Variants in CNTNAP2 observed in about 807,000 individuals in gnomAD.
CNTNAP2 encodes contactin-associated protein-like 2.
A neutral mutation model predicts 155.2 loss-of-function variants in CNTNAP2; 98 were observed. The observed-to-expected ratio is 0.63, with a 90% CI of 0.54 to 0.75. CNTNAP2 has a LOEUF of 0.75. CNTNAP2 is among the 30% of genes least tolerant of loss of function. The probability of loss-of-function intolerance (pLI) is 0.00; values close to 1 mark genes in which losing one functional copy is unlikely to be tolerated. For missense variants in CNTNAP2, 1,727 were observed against 1,688.1 expected (o/e 1.02, Z -0.40); for synonymous variants, 651 against 631.2 (o/e 1.03, Z -0.47).
intron 21 of CNTNAP2, among the ~76,000 whole-genome samples, chr7:148,363,677 T>C (rs943982843): frequency 1.3e-5 from 2 of 152,202 alleles, no homozygotes; most frequent in Non-Finnish European, 2.9e-5. Flanking sequence ...AGCCCTCGCT[T>C]GCTCTCGGCA....
At chr7:148,082,930 G>C (rs1323617348) in intron 15 of CNTNAP2, among the ~76,000 whole-genome samples, 1 of 151,950 alleles carries the variant, frequency 6.6e-6, no homozygotes, top group Non-Finnish European at 1.5e-5. Flanking sequence ...ACCTGCCTCT[G>C]CCTCCCAAAG....
chr7:146,720,595 T>C (rs1010705586), intron 1 of CNTNAP2, among the ~76,000 whole-genome samples: 1 of 152,036 alleles, frequency 6.6e-6, no homozygotes, highest in African/African-American at 2.4e-5. Context: ...ATTTTCATGG[T>C]GATTACAATG....
Position 146,900,131 on chromosome 7 carries a change from G to A in CNTNAP2, c.402+60227G>A, listed in dbSNP as rs117134225. 3.0e-4 allele frequency among the ~76,000 whole-genome samples: 46 copies of A among 152,072 alleles called. No homozygotes were observed. The East Asian group carries it at 8.5e-3, about 28-fold the overall frequency. The stretch of plus-strand genomic sequence containing the variant: ...GCTATAGACAAGTAGATAAGTAAAG[G>A]CCTAAACAGTATCTCAAAACTAAAA... On this transcript the variant is annotated intron_variant, in intron 3 of 23. Transcript: ENST00000361727.
chr7:147,486,221 T>G (rs1237753657), intron 11 of CNTNAP2, among the ~76,000 whole-genome samples, 180 bp downstream of exon 11: 1 of 152,032 alleles, frequency 6.6e-6, no homozygotes, highest in East Asian at 1.9e-4. Flanking sequence ...ATTCTACTTG[T>G]TAAAATATGT....
At chr7:146,330,324 A>T (rs917780262) in intron 1 of CNTNAP2, among the ~76,000 whole-genome samples, 7 of 152,032 alleles carry the variant, frequency 4.6e-5, no homozygotes, top group African/African-American at 1.7e-4. Context: ...GCCCGGCTCG[A>T]CAAGTACTTT....
chr7:148,045,479 G>T (rs1158413992), intron 15 of CNTNAP2, among the ~76,000 whole-genome samples: 1 of 152,016 alleles, frequency 6.6e-6, no homozygotes, highest in Admixed American at 6.6e-5. Context: ...CCCCTGGGGA[G>T]GTGGGCACTA....
intron 13 of CNTNAP2, among the ~76,000 whole-genome samples, chr7:147,902,031 A>G (rs2708265): frequency 0.05 from 7,592 of 152,292 alleles, 298 homozygotes; most frequent in African/African-American, 0.11. Context: ...CCAATATTCT[A>G]TGATCTCCAT....
intron 1 of CNTNAP2, among the ~76,000 whole-genome samples, chr7:146,773,825 G>A (rs1172039008): frequency 1.3e-5 from 2 of 152,152 alleles, no homozygotes; most frequent in African/African-American, 4.8e-5. Context: ...AATTTTATAC[G>A]TGTTGGTTAG....
chr7:147,352,123 A>C (rs929085062), intron 9 of CNTNAP2, among the ~76,000 whole-genome samples: 2 of 152,096 alleles, frequency 1.3e-5, no homozygotes, highest in Non-Finnish European at 2.9e-5. Context: ...CAGATTCCTT[A>C]GCTCTCAGAA....
intron 13 of CNTNAP2, among the ~76,000 whole-genome samples, chr7:147,881,604 G>A (rs1563122262): frequency 6.6e-6 from 1 of 152,176 alleles, no homozygotes; most frequent in Non-Finnish European, 1.5e-5. Context: ...ATAAATGTTT[G>A]TAAGAAAATG....
chr7:147,100,814 G>C (rs1194060409), intron 4 of CNTNAP2, among the ~76,000 whole-genome samples: 3 of 152,174 alleles, frequency 2.0e-5, no homozygotes, highest in Non-Finnish European at 2.9e-5. Flanking sequence ...TATGCTGCCA[G>C]GAATCCAAAA....
intron 1 of CNTNAP2, among the ~76,000 whole-genome samples, chr7:146,473,031 C>G (rs1326336067): frequency 6.6e-6 from 1 of 151,210 alleles, no homozygotes; most frequent in East Asian, 1.9e-4. Flanking sequence ...TATTTATATT[C>G]AGAGAAGTAG....
At chr7:148,326,707 A>T (rs551219289) in intron 21 of CNTNAP2, among the ~76,000 whole-genome samples, 254 of 152,066 alleles carry the variant, frequency 1.7e-3, no homozygotes, top group African/African-American at 5.6e-3. Context: ...TCTACTAAAA[A>T]TACAAAAATT....
At position 147,809,905 on chromosome 7, in the gene CNTNAP2, A is replaced by T. The variant is rs573631487; in HGVS notation, c.2099-93660A>T. Among the ~76,000 whole-genome samples the T allele has an allele frequency of 4.6e-5, 7 of 152,296 alleles. No homozygotes were observed. In the South Asian group the frequency reaches 1.5e-3, roughly 32 times the overall value. ...AGGCTGGAGGGGTTCTGATTCAGTC[A>T]CATTTGATTTTGGAGTCAAGGTCTT... On this transcript the variant is annotated intron_variant, in intron 13 of 23. Transcript: ENST00000361727.
chr7:147,617,685 T>C (rs1228360508), intron 12 of CNTNAP2, among the ~76,000 whole-genome samples: 1 of 152,098 alleles, frequency 6.6e-6, no homozygotes, highest in Non-Finnish European at 1.5e-5. Context: ...AACCCAGAAT[T>C]AGGAAAACAC....
At chr7:147,679,664 G>T (rs1457435078) in intron 13 of CNTNAP2, among the ~76,000 whole-genome samples, 1 of 151,892 alleles carries the variant, frequency 6.6e-6, no homozygotes, top group African/African-American at 2.4e-5. Context: ...TGCCACATAA[G>T]TAACTCCCAC....
intron 12 of CNTNAP2, among the ~76,000 whole-genome samples, chr7:147,616,051 CCTTGT>C (rs1801285257): frequency 4.6e-5 from 7 of 151,878 alleles, no homozygotes; most frequent in Admixed American, 2.0e-4. Context: ...TCACAATAAT[CCTTGT>C]TTCATTTTTT....
At chr7:148,304,154 A>G (rs2373340) in intron 21 of CNTNAP2, among the ~76,000 whole-genome samples, 91,733 of 152,064 alleles carry the variant, frequency 0.6, 29,517 homozygotes, top group East Asian at 0.76. Context: ...GCCAAAAGAG[A>G]GGAAACTTGA....
intron 13 of CNTNAP2, among the ~76,000 whole-genome samples, chr7:147,862,179 A>G (rs1004084598): frequency 6.6e-6 from 1 of 152,184 alleles, no homozygotes; most frequent in Non-Finnish European, 1.5e-5. Context: ...ATCAAAAAAG[A>G]TAATAGCCCG....
Sources: allele counts gnomAD v4.1 joint callset (sites outside exome capture counted in the v4.1 genomes callset), GRCh38; gene constraint gnomAD v4.1.1; transcripts MANE v1.5; gene names NCBI Gene and HGNC (gene_info 2026-07-23, HGNC 2026-07-21).